RYR2: variants seen among roughly 807,000 people sequenced by gnomAD.
RYR2 encodes ryanodine receptor 2.
In RYR2, 227 loss-of-function variants were observed where a neutral mutation model predicts 601.1. That is an observed-to-expected ratio of 0.38 (90% CI 0.34 to 0.42). The LOEUF (loss-of-function observed/expected upper bound fraction) is 0.42. RYR2 is among the 10% of genes least tolerant of loss of function. The pLI is 1.00. For synonymous variants in RYR2, 2,223 were observed against 2,175.1 expected (o/e 1.02, Z -0.61); for missense variants, 4,646 against 6,156.5 (o/e 0.75, Z 8.21).
intron 62 of RYR2, 103 bp from the exon 63 acceptor site, chr1:237,687,352 T>C: frequency 2.9e-6 from 2 of 684,674 alleles, no homozygotes; most frequent in Non-Finnish European, 4.9e-6. Context: ...TGTTTTTTTT[T>C]CTTTTTTCTT....
intron 12 of RYR2, among the ~76,000 whole-genome samples, chr1:237,426,159 T>C (rs1372481443): frequency 6.6e-6 from 1 of 152,152 alleles, no homozygotes; most frequent in Admixed American, 6.5e-5. Flanking sequence ...ACATTCCCAA[T>C]GCCTTTCTCT....
chr1:237,833,964 G>A lies in RYR2; in HGVS notation c.*1317G>A, dbSNP rs904653584. On this transcript the variant is annotated 3_prime_UTR_variant, in exon 105 of 105. Transcript: ENST00000366574. ...TTGTTAATTTTAGAACTGTAAAACC[G>A]CTCTGATTAAACTATTTAACTAACT... The A allele has an allele frequency of 6.6e-6, 1 of 152,258 alleles. No individual in the cohort carries two copies. The highest frequency in any genetic ancestry group is 1.5e-5 in the Non-Finnish European group (1 of 68,042). 9.4% of individuals were successfully genotyped at this position (152,258 alleles called of 1,614,324 possible).
At chr1:237,318,965 G>A (rs979221026) in intron 2 of RYR2, among the ~76,000 whole-genome samples, 6 of 151,834 alleles carry the variant, frequency 4.0e-5, no homozygotes, top group African/African-American at 1.2e-4. Context: ...TGTACTTGAC[G>A]TTATTCCACT....
chr1:237,043,941 CT>C (rs2148074788), intron 1 of RYR2, among the ~76,000 whole-genome samples: 1 of 152,300 alleles, frequency 6.6e-6, no homozygotes, highest in Admixed American at 6.5e-5. Context: ...GTCTCTTTCT[CT>C]TTTGTGCATT....
intron 3 of RYR2, among the ~76,000 whole-genome samples, chr1:237,350,551 A>G (rs1698679738): frequency 2.5e-5 from 3 of 119,800 alleles, no homozygotes; most frequent in Non-Finnish European, 5.1e-5. Flanking sequence ...AGCCTGGGTG[A>G]CAAAAGTAAG....
At chr1:237,522,696 T>C (rs1667207692) in intron 24 of RYR2, among the ~76,000 whole-genome samples, 1 of 152,238 alleles carries the variant, frequency 6.6e-6, no homozygotes, top group South Asian at 2.1e-4. Context: ...ATGATAAATC[T>C]CAGTCAGTAA....
chr1:237,808,815 A>T, intron 99 of RYR2, 86 bp from the exon 100 acceptor site: 2 of 1,311,828 alleles, frequency 1.5e-6, no homozygotes, highest in Non-Finnish European at 2.2e-6. Context: ...TGTTCTCACT[A>T]GAGCACTCGC....
chr1:237,153,484 T>TCAAC (rs1168301358), intron 1 of RYR2, among the ~76,000 whole-genome samples: 6 of 152,172 alleles, frequency 3.9e-5, no homozygotes, highest in African/African-American at 1.4e-4. Flanking sequence ...GGCGATAATA[T>TCAAC]TTCTATAAAA....
At chr1:237,383,632 T>C (rs1199248943) in intron 8 of RYR2, among the ~76,000 whole-genome samples, 1 of 151,962 alleles carries the variant, frequency 6.6e-6, no homozygotes, top group African/African-American at 2.4e-5. Flanking sequence ...GGCTTCACCG[T>C]GTTGGCCAGG....
chr1:237,790,069 T>C lies in RYR2; in HGVS notation c.13477-1360T>C, dbSNP rs16832089. ...GTTACATTTTGATGTAGCTTTATTA[T>C]GGTAAATCCCCTGACATATCCACTT... On this transcript the variant is annotated intron_variant, in intron 92 of 104. Coordinates refer to ENST00000366574, the MANE Select transcript of RYR2 (RefSeq NM_001035.3). Among the ~76,000 whole-genome samples, 1,349 of 152,344 alleles carry C rather than the reference T, an allele frequency of 8.9e-3. 23 individuals are homozygous for C. The highest frequency in any genetic ancestry group is 0.031 in the African/African-American group (1,272 of 41,572).
chr1:237,750,656 C>CCCAG (rs201513165), intron 80 of RYR2, among the ~76,000 whole-genome samples: 10,013 of 151,760 alleles, frequency 0.066, 379 homozygotes, highest in South Asian at 0.096. Context: ...AAACAAATTT[C>CCCAG]TGAAGTAAAA....
At chr1:237,758,396 GA>G (rs1002456237) in intron 82 of RYR2, among the ~76,000 whole-genome samples, 2 of 151,338 alleles carry the variant, frequency 1.3e-5, no homozygotes, top group Non-Finnish European at 2.9e-5. Context: ...CCCTTTGTTT[GA>G]AAAAAAACAA....
In RYR2 at chr1:237,617,000, G is replaced by A. The variant is rs139101055; in HGVS notation, c.5716-286G>A. 2.0e-3 allele frequency among the ~76,000 whole-genome samples: 309 copies of A among 152,214 alleles called. 1 individual carries two copies. The highest frequency in any genetic ancestry group is 6.2e-3 in the African/African-American group (256 of 41,550). ...GATTCAGTTATCTCCACCCAGCCCCGCCCTTGACATGTGGGGGTTATTACA... is the reference window on the plus strand; with the variant it reads ...GATTCAGTTATCTCCACCCAGCCCCACCCTTGACATGTGGGGGTTATTACA... On this transcript the variant is annotated intron_variant, in intron 37 of 104. Transcript: ENST00000366574.
At chr1:237,473,246 AAACCC>A (rs1660941082) in intron 17 of RYR2, among the ~76,000 whole-genome samples, 1 of 152,034 alleles carries the variant, frequency 6.6e-6, no homozygotes, top group African/African-American at 2.4e-5. Context: ...CAACATGATG[AAACCC>A]TGTCTCTACT....
At chr1:237,709,171 A>T in intron 69 of RYR2, 73 bp downstream of exon 69, 1 of 1,325,778 alleles carries the variant, frequency 7.5e-7, no homozygotes, top group Non-Finnish European at 1.0e-6. Context: ...TCCTTGTTCA[A>T]TCGCTTCATT....
intron 76 of RYR2, among the ~76,000 whole-genome samples, chr1:237,728,203 CATA>C (rs940716232): frequency 2.0e-5 from 3 of 152,050 alleles, no homozygotes; most frequent in Admixed American, 2.0e-4. Context: ...AAAAAAGAAA[CATA>C]AGCAAAACAA....
At chr1:237,818,346 A>G (rs888707270) in intron 100 of RYR2, among the ~76,000 whole-genome samples, 1 of 152,106 alleles carries the variant, frequency 6.6e-6, no homozygotes. Flanking sequence ...TGCCCAAGGA[A>G]TTATCCAGCC....
At chr1:237,297,895 C>A (rs904947126) in intron 2 of RYR2, among the ~76,000 whole-genome samples, 6 of 151,022 alleles carry the variant, frequency 4.0e-5, no homozygotes, top group African/African-American at 1.5e-4. Context: ...GGACTACAAG[C>A]ACGTGCTACC....
chr1:237,688,240 C>G (rs939118701), intron 63 of RYR2, among the ~76,000 whole-genome samples: 3 of 152,172 alleles, frequency 2.0e-5, no homozygotes, highest in African/African-American at 7.2e-5. Context: ...AATGTGAACC[C>G]TTTGCTCTCT....
Sources: gnomAD v4.1 joint callset for allele counts (sites outside exome capture counted in the v4.1 genomes callset) on GRCh38, gnomAD v4.1.1 for gene constraint, MANE v1.5 for transcripts, NCBI Gene and HGNC (gene_info 2026-07-23, HGNC 2026-07-21) for gene names.